ACSL3: variants seen among roughly 807,000 people sequenced by gnomAD.
The protein encoded by ACSL3 is acyl-CoA synthetase long chain family member 3.
ACSL3 carries 34 observed loss-of-function variants against 84.7 expected under a neutral mutation model. That is an observed-to-expected ratio of 0.40 (90% confidence interval 0.31 to 0.53). The LOEUF is 0.53. Among genes scored for constraint, ACSL3 ranks in the 20% least tolerant of loss-of-function variants. The pLI is 0.48. For synonymous variants in ACSL3, 315 were observed against 299.4 expected (o/e 1.05, Z -0.54); for missense variants, 680 against 873.1 (o/e 0.78, Z 2.79).
intron 1 of ACSL3, among the ~76,000 whole-genome samples, chr2:222,869,238 C>T (rs181036235): frequency 1.1e-3 from 162 of 152,224 alleles, no homozygotes; most frequent in Non-Finnish European, 1.3e-3. Flanking sequence ...TAAATTTGAG[C>T]GAGTGACTTA....
intron 1 of ACSL3, among the ~76,000 whole-genome samples, chr2:222,863,197 G>A (rs1695056136): frequency 6.6e-6 from 1 of 152,206 alleles, no homozygotes. Context: ...TTGCAAGTTT[G>A]ATAGGTACGA....
intron 13 of ACSL3, among the ~76,000 whole-genome samples, chr2:222,930,032 G>A (rs922391452): frequency 3.4e-5 from 5 of 147,986 alleles, no homozygotes; most frequent in African/African-American, 1.2e-4. Context: ...GGGTTCAAGT[G>A]ATTCTCCTGC....
chr2:222,941,742 C>G lies in ACSL3; in HGVS notation c.*88C>G. ...TGCATGTCTCAAGCTGCAAGGCAAA[C>G]TCCATTCCTCATATTAAACTATTAC... On this transcript the variant is annotated 3_prime_UTR_variant, in exon 17 of 17. Transcript: ENST00000357430. 7.2e-7 allele frequency: 1 copy of G among 1,379,642 alleles called. No homozygotes were observed. The highest frequency in any genetic ancestry group is 1.5e-5 in the African/African-American group (1 of 68,884). 85.5% of individuals were successfully genotyped at this position (1,379,642 alleles called of 1,614,324 possible).
chr2:222,901,815 C>G (rs769203311), intron 3 of ACSL3, among the ~76,000 whole-genome samples: 3 of 151,804 alleles, frequency 2.0e-5, no homozygotes, highest in Non-Finnish European at 4.4e-5. Flanking sequence ...CGTGATTGAG[C>G]ACGCCTGTAG....
chr2:222,908,261 G>T (rs1696348246), intron 3 of ACSL3, among the ~76,000 whole-genome samples: 1 of 152,204 alleles, frequency 6.6e-6, no homozygotes, highest in Non-Finnish European at 1.5e-5. Flanking sequence ...GCAAACTCCA[G>T]TTGCTTGTTG....
intron 3 of ACSL3, among the ~76,000 whole-genome samples, chr2:222,907,313 A>G (rs916520923): frequency 2.0e-5 from 3 of 152,200 alleles, no homozygotes; most frequent in African/African-American, 2.4e-5. Flanking sequence ...TCTCTCATCT[A>G]TCTACACTTG....
At chr2:222,873,281 G>A (rs574410552) in intron 1 of ACSL3, among the ~76,000 whole-genome samples, 4 of 152,066 alleles carry the variant, frequency 2.6e-5, no homozygotes, top group Admixed American at 6.5e-5. Context: ...GGTATTGTTC[G>A]CCTATTAAGG....
chr2:222,864,515 A>G (rs571557785), intron 1 of ACSL3, among the ~76,000 whole-genome samples: 4 of 152,022 alleles, frequency 2.6e-5, no homozygotes, highest in African/African-American at 9.7e-5. Context: ...GCGATGAGTC[A>G]GTACTGTGGA....
chr2:222,872,027 A>G (rs562692379), intron 1 of ACSL3, among the ~76,000 whole-genome samples: 1 of 152,288 alleles, frequency 6.6e-6, no homozygotes, highest in African/African-American at 2.4e-5. Context: ...TTCTAGGGAA[A>G]AACTTAAGTA....
intron 2 of ACSL3, among the ~76,000 whole-genome samples, chr2:222,894,218 A>C (rs955271930): frequency 1.3e-5 from 2 of 152,214 alleles, no homozygotes; most frequent in Non-Finnish European, 2.9e-5. Context: ...TTCATAACAC[A>C]AGATCTGAAT....
chr2:222,870,201 T>C (rs1276482683), intron 1 of ACSL3, among the ~76,000 whole-genome samples: 1 of 152,134 alleles, frequency 6.6e-6, no homozygotes, highest in Non-Finnish European at 1.5e-5. Context: ...TCCCCCTCCT[T>C]TACTTGACTC....
At chr2:222,910,171 A>T (rs527662931) in intron 4 of ACSL3, among the ~76,000 whole-genome samples, 2 of 152,240 alleles carry the variant, frequency 1.3e-5, no homozygotes, top group Non-Finnish European at 2.9e-5. Flanking sequence ...TAGAAAATTC[A>T]ATGAGGAAAA....
intron 6 of ACSL3, among the ~76,000 whole-genome samples, chr2:222,918,845 A>G (rs1696654374): frequency 6.6e-6 from 1 of 151,930 alleles, no homozygotes; most frequent in South Asian, 2.1e-4. Context: ...CCAAAGGCCA[A>G]GGGTACACAC....
At chr2:222,865,591 A>G (rs2106078509) in intron 1 of ACSL3, among the ~76,000 whole-genome samples, 1 of 152,372 alleles carries the variant, frequency 6.6e-6, no homozygotes, top group Admixed American at 6.5e-5. Flanking sequence ...GAGCAAATAT[A>G]TTACAGGATG....
At chr2:222,899,400 G>A (rs1696076951) in intron 2 of ACSL3, among the ~76,000 whole-genome samples, 2 of 152,100 alleles carry the variant, frequency 1.3e-5, no homozygotes, top group Admixed American at 1.3e-4. Context: ...GCTTGAACCT[G>A]GGAGGCAGAG....
intron 7 of ACSL3, 104 bp downstream of exon 7, chr2:222,919,306 G>A: frequency 7.3e-7 from 1 of 1,376,116 alleles, no homozygotes; most frequent in South Asian, 1.5e-5. Flanking sequence ...TGACACATCA[G>A]TTTTCTAACA....
intron 1 of ACSL3, among the ~76,000 whole-genome samples, chr2:222,875,082 G>A (rs1157001386): frequency 1.3e-5 from 2 of 152,082 alleles, no homozygotes; most frequent in South Asian, 2.1e-4. Context: ...TTTGCGTTGT[G>A]TATAACCTGC....
chr2:222,933,447 G>T lies in ACSL3; in HGVS notation c.1847+167G>T, dbSNP rs953332386. 1.3e-5 allele frequency: 7 copies of T among 522,812 alleles called. No homozygotes were observed. In the African/African-American group the frequency reaches 1.4e-4, roughly 10 times the overall value. 32.4% of individuals were successfully genotyped at this position (522,812 alleles called of 1,614,324 possible). On this transcript the variant is annotated intron_variant, in intron 15 of 16. Transcript: ENST00000357430. ...CAGCCATTAGCTGACTCTTTTCCTT[G>T]TAAGGCTTCCCCTGATCTTTCTCTC...
At chr2:222,864,055 G>A (rs1282145954) in intron 1 of ACSL3, among the ~76,000 whole-genome samples, 3 of 152,088 alleles carry the variant, frequency 2.0e-5, no homozygotes, top group Non-Finnish European at 4.4e-5. Context: ...CTGAGAAAAT[G>A]GAGATAAAAA....
Sources: gnomAD v4.1 joint callset for allele counts (sites outside exome capture counted in the v4.1 genomes callset) on GRCh38, gnomAD v4.1.1 for gene constraint, MANE v1.5 for transcripts, NCBI Gene and HGNC (gene_info 2026-07-23, HGNC 2026-07-21) for gene names.